The following STMN2 variants were observed in gnomAD, a reference collection of about 807,000 sequenced individuals.
STMN2 encodes the protein stathmin-2.
Under a neutral mutation model 24.1 loss-of-function variants are expected in STMN2, and 2 were observed. That is an observed-to-expected ratio of 0.08 (90% CI 0.03 to 0.26). The LOEUF (loss-of-function observed/expected upper bound fraction) is 0.26. STMN2 is among the 10% of genes least tolerant of loss of function. STMN2 has a pLI of 1.00. For missense variants in STMN2, 114 were observed against 213.6 expected (o/e 0.53, Z 2.91); for synonymous variants, 83 against 77.5 (o/e 1.07, Z -0.37).
intron 1 of STMN2, among the ~76,000 whole-genome samples, chr8:79,635,396 C>T (rs2130344964): frequency 6.6e-6 from 1 of 152,262 alleles, no homozygotes; most frequent in South Asian, 2.1e-4. Flanking sequence ...CTTGCAATCC[C>T]ATTACTTGGT....
intron 1 of STMN2, among the ~76,000 whole-genome samples, chr8:79,628,302 T>C (rs1809709436): frequency 6.6e-6 from 1 of 152,062 alleles, no homozygotes; most frequent in South Asian, 2.1e-4. Flanking sequence ...TAGCTGGGAT[T>C]ACAGGCACGC....
intron 3 of STMN2, among the ~76,000 whole-genome samples, chr8:79,643,147 G>GTATATATATA (rs1345234934): frequency 6.2e-5 from 5 of 80,758 alleles, no homozygotes; most frequent in Non-Finnish European, 1.1e-4. Flanking sequence ...GTATGTGTGT[G>GTATATATATA]TGTATATATA....
intron 3 of STMN2, among the ~76,000 whole-genome samples, chr8:79,648,664 T>C (rs1195094376): frequency 1.3e-5 from 2 of 152,072 alleles, no homozygotes; most frequent in Non-Finnish European, 2.9e-5. Flanking sequence ...GGTTTTGTCA[T>C]GTTGGCCAGA....
chr8:79,623,059 C>T (rs1809555786), intron 1 of STMN2, among the ~76,000 whole-genome samples: 1 of 152,188 alleles, frequency 6.6e-6, no homozygotes, highest in Non-Finnish European at 1.5e-5. Flanking sequence ...TTCAGGGATC[C>T]TCCCGTTGCT....
Position 79,656,955 on chromosome 8 carries a change from C to A in STMN2, c.480+1893C>A, listed in dbSNP as rs541096510. Among the ~76,000 whole-genome samples the A allele has an allele frequency of 9.2e-5, 14 of 152,116 alleles. No individual in the cohort carries two copies. In the East Asian group the frequency reaches 2.7e-3, roughly 29 times the overall value. On this transcript the variant is annotated intron_variant, in intron 4 of 4. Coordinates refer to ENST00000220876, the MANE Select transcript of STMN2 (RefSeq NM_007029.4). ...GTGGCACGATCTCAGCTCACTGCAA[C>A]CTCTGCCTCCTGGGTTCAAGTGATT...
chr8:79,616,457 G>A (rs1809384649), intron 1 of STMN2, among the ~76,000 whole-genome samples: 1 of 152,100 alleles, frequency 6.6e-6, no homozygotes, highest in Admixed American at 6.5e-5. Context: ...ATTTAATAGT[G>A]TCATATTACT....
chr8:79,644,569 T>C (rs1241968654), intron 3 of STMN2, among the ~76,000 whole-genome samples: 1 of 152,108 alleles, frequency 6.6e-6, no homozygotes, highest in Non-Finnish European at 1.5e-5. Context: ...CTGCAAAGGA[T>C]TTTAGGTAAG....
intron 3 of STMN2, among the ~76,000 whole-genome samples, chr8:79,651,559 C>T (rs752377306): frequency 5.9e-5 from 9 of 152,150 alleles, no homozygotes; most frequent in African/African-American, 1.7e-4. Context: ...AAAGCCTTCC[C>T]GTCTGAATCT....
intron 3 of STMN2, among the ~76,000 whole-genome samples, chr8:79,642,078 C>G (rs1054569692): frequency 2.0e-5 from 3 of 152,170 alleles, no homozygotes; most frequent in African/African-American, 7.2e-5. Flanking sequence ...CAAGAGCTTG[C>G]CCCTTTCCTC....
intron 3 of STMN2, among the ~76,000 whole-genome samples, chr8:79,650,893 C>A (rs1225968448): frequency 6.6e-6 from 1 of 152,012 alleles, no homozygotes; most frequent in Non-Finnish European, 1.5e-5. Flanking sequence ...AAACTAAGGT[C>A]ACACCACTAT....
At chr8:79,643,522 T>C (rs1810156159) in intron 3 of STMN2, among the ~76,000 whole-genome samples, 1 of 152,092 alleles carries the variant, frequency 6.6e-6, no homozygotes, top group Admixed American at 6.6e-5. Context: ...AGTCAGTGAC[T>C]GAGGTGAAAT....
chr8:79,617,016 A>G (rs1809396635), intron 1 of STMN2, among the ~76,000 whole-genome samples: 1 of 152,244 alleles, frequency 6.6e-6, no homozygotes. Flanking sequence ...GAATAGCAAT[A>G]CTGAAGAAAT....
intron 4 of STMN2, among the ~76,000 whole-genome samples, chr8:79,662,098 G>A (rs545480213): frequency 9.0e-4 from 137 of 152,194 alleles, no homozygotes; most frequent in African/African-American, 3.2e-3. Context: ...TTACCTTCCA[G>A]TAGAGAAATC....
chr8:79,655,359 G>A (rs1187007410), intron 4 of STMN2, among the ~76,000 whole-genome samples: 1 of 151,998 alleles, frequency 6.6e-6, no homozygotes, highest in Non-Finnish European at 1.5e-5. Flanking sequence ...AGCCTCACGA[G>A]GCAATCTGTA....
intron 4 of STMN2, among the ~76,000 whole-genome samples, chr8:79,661,926 G>T (rs571885018): frequency 2.0e-5 from 3 of 152,176 alleles, no homozygotes; most frequent in South Asian, 2.1e-4. Context: ...AAGGATTTTT[G>T]ATGATACTGA....
At chr8:79,625,390 T>C (rs1181985055) in intron 1 of STMN2, among the ~76,000 whole-genome samples, 1 of 152,158 alleles carries the variant, frequency 6.6e-6, no homozygotes, top group East Asian at 1.9e-4. Flanking sequence ...ATTATCATCC[T>C]CATTTTTACA....
chr8:79,641,696 C>T, intron 3 of STMN2, 146 bp downstream of exon 3: 3 of 754,056 alleles, frequency 4.0e-6, no homozygotes, highest in Non-Finnish European at 6.0e-6. Context: ...GACAGCTGAA[C>T]CTGTGCCATG....
intron 1 of STMN2, among the ~76,000 whole-genome samples, chr8:79,617,712 G>C (rs772249073): frequency 6.6e-6 from 1 of 152,210 alleles, no homozygotes; most frequent in Non-Finnish European, 1.5e-5. Flanking sequence ...TGAGGGCCTC[G>C]AGCCAATAAG....
At position 79,664,901 on chromosome 8, in the gene STMN2, C is replaced by T. The variant is rs754370430; in HGVS notation, c.*27C>T. ...GCAAGGGAGGGTCTGGCACGCCCCA[C>T]CAATAGTAAATCCCCCTGCCTATAT... On this transcript the variant is annotated 3_prime_UTR_variant, in exon 5 of 5. Transcript: ENST00000220876. 6.2e-7 allele frequency: 1 copy of T among 1,607,538 alleles called. No homozygotes were observed. Among genetic ancestry groups the T allele is most frequent in the Admixed American group, 1.7e-5 (1 of 59,440 alleles).
Sources: gnomAD v4.1 joint callset for allele counts (sites outside exome capture counted in the v4.1 genomes callset) on GRCh38, gnomAD v4.1.1 for gene constraint, MANE v1.5 for transcripts, NCBI Gene and HGNC (gene_info 2026-07-23, HGNC 2026-07-21) for gene names.